MMRN1: variants seen among roughly 807,000 people sequenced by gnomAD.
MMRN1 encodes multimerin 1.
MMRN1 carries 94 observed loss-of-function variants against 100.7 expected under a neutral mutation model. The observed-to-expected ratio is 0.93, with a 90% CI of 0.79 to 1.11. The LOEUF is 1.11. MMRN1 is among the 50% of genes least tolerant of loss of function. The pLI is 0.00. For missense variants in MMRN1, 1,606 were observed against 1,439.1 expected (o/e 1.12, Z -1.88); for synonymous variants, 575 against 505.0 (o/e 1.14, Z -1.86).
At chr4:89,881,304 A>G (rs1255586835) in intron 1 of MMRN1, among the ~76,000 whole-genome samples, 1 of 152,128 alleles carries the variant, frequency 6.6e-6, no homozygotes, top group East Asian at 1.9e-4. Context: ...TTTTAAGCAA[A>G]TACATTTGTA....
intron 3 of MMRN1, among the ~76,000 whole-genome samples, chr4:89,914,325 C>T (rs1008206991): frequency 6.6e-5 from 10 of 151,306 alleles, no homozygotes; most frequent in African/African-American, 2.2e-4. Context: ...GGATCCATCT[C>T]GAAACTGTTA....
At chr4:89,886,574 G>A (rs115704477) in intron 1 of MMRN1, among the ~76,000 whole-genome samples, 3,071 of 152,070 alleles carry the variant, frequency 0.02, 102 homozygotes, top group African/African-American at 0.07. Flanking sequence ...AATTTTGTTC[G>A]AATCTTCTAT....
In MMRN1 at chr4:89,895,027, G is replaced by T; in HGVS notation, c.56G>T (p.Gly19Val). The T allele has an allele frequency of 6.2e-7, 1 of 1,613,742 alleles. No homozygotes were observed. The highest frequency in any genetic ancestry group is 1.1e-5 in the South Asian group (1 of 91,054). The change falls in exon 1 of 8, where the codon GGG becomes GTG. Residue 19 changes from glycine (G) to valine (V), a missense_variant. By Grantham distance (109) the Gly-to-Val change is moderately radical (BLOSUM62 -3). Transcript: ENST00000264790. Reference sequence around the variant, plus strand: ...TCTAGTTTATGGAGTGGGGGCATTGGGCTTAACAACAGTAAGCATTCTTGG... The same window carrying T: ...TCTAGTTTATGGAGTGGGGGCATTGTGCTTAACAACAGTAAGCATTCTTGG... ...LLSSLWSGGI[G>V]LNNSKHSWTI...
At chr4:89,925,352 T>G (rs1305696661) in intron 4 of MMRN1, among the ~76,000 whole-genome samples, 1 of 143,476 alleles carries the variant, frequency 7.0e-6, no homozygotes, top group Non-Finnish European at 1.5e-5. Flanking sequence ...TTAGCCATGT[T>G]GCCCAGGCTA....
intron 7 of MMRN1, 89 bp downstream of exon 7, chr4:89,951,840 C>A: frequency 2.2e-6 from 3 of 1,391,698 alleles, no homozygotes; most frequent in Non-Finnish European, 2.9e-6. Flanking sequence ...ATATTTAAGC[C>A]TGCTTAATCT....
In MMRN1 at chr4:89,935,290, C is replaced by G. The variant is rs745753596; in HGVS notation, c.1610C>G (p.Ser537Ter). 2 of 1,613,572 alleles carry G rather than the reference C, an allele frequency of 1.2e-6. No homozygotes were observed. The highest frequency in any genetic ancestry group is 2.7e-5 in the African/African-American group (2 of 74,882). ...CAGAAGAATGCTCCAGCTGCTGAGT[C>G]AGTTAGCAATAATGTCACTGAGTAC... is the stretch of plus-strand genomic sequence containing the variant. ...SDQKNAPAAESVSNNVTEYMS... is the reference protein window; with the variant it reads ...SDQKNAPAAE Residue 537 changes from serine to a stop codon, truncating the protein, a stop_gained, in exon 6 of 8, where the codon TCA (serine) becomes TGA (stop). Coordinates refer to ENST00000264790, the MANE Select transcript of MMRN1 (RefSeq NM_007351.3). LOFTEE classifies it high-confidence loss of function.
At position 89,887,608 on chromosome 4, in the gene MMRN1, A is replaced by G. The variant is rs1720966266; in HGVS notation, c.-248-7116A>G. 3.3e-5 allele frequency among the ~76,000 whole-genome samples: 5 copies of G among 152,090 alleles called. No homozygotes were observed. The South Asian group carries it at 1.0e-3, about 31-fold the overall frequency. On this transcript the variant is annotated intron_variant, in intron 1 of 8. Transcript: ENST00000394980. ...TTTCATCCTTCCTTGCCCTTTTTATATGAAGTGAGTATTTTCTAAATATTC... is the reference window on the plus strand; with the variant it reads ...TTTCATCCTTCCTTGCCCTTTTTATGTGAAGTGAGTATTTTCTAAATATTC...
chr4:89,902,468 T>C (rs1407444079), intron 1 of MMRN1, among the ~76,000 whole-genome samples: 3 of 152,042 alleles, frequency 2.0e-5, no homozygotes, highest in Non-Finnish European at 4.4e-5. Context: ...TTTAAAAATA[T>C]ACTACTTTTC....
At chr4:89,922,731 A>G (rs1000342260) in intron 3 of MMRN1, among the ~76,000 whole-genome samples, 8 of 152,098 alleles carry the variant, frequency 5.3e-5, no homozygotes, top group Non-Finnish European at 1.0e-4. Context: ...TTAGTAAGGA[A>G]CCTGTAGCTC....
intron 5 of MMRN1, among the ~76,000 whole-genome samples, chr4:89,929,585 G>A (rs1006073569): frequency 3.3e-5 from 5 of 152,074 alleles, no homozygotes; most frequent in African/African-American, 9.7e-5. Context: ...TGACCTAACA[G>A]AATTAGCCTG....
Position 89,905,137 on chromosome 4 carries a change from A to G in MMRN1, c.624-4139A>G, listed in dbSNP as rs962787346. Among the ~76,000 whole-genome samples, 12 of 151,678 alleles carry G rather than the reference A, an allele frequency of 7.9e-5. No individual in the cohort carries two copies. In the South Asian group the frequency reaches 1.5e-3, roughly 18 times the overall value. On this transcript the variant is annotated intron_variant, in intron 1 of 7. Transcript: ENST00000264790. ...AGACTAACTTTTATATATTTAGGAT[A>G]TGTTTTCCCACTTATCACTGAATTG...
chr4:89,896,004 T>A (rs1246524659), intron 1 of MMRN1, among the ~76,000 whole-genome samples: 2 of 152,120 alleles, frequency 1.3e-5, no homozygotes, highest in Non-Finnish European at 2.9e-5. Context: ...AAAATTGGAA[T>A]AGCAGTATTA....
At chr4:89,892,503 G>A (rs1721078146), upstream of MMRN1, among the ~76,000 whole-genome samples, 1 of 151,782 alleles carries the variant, frequency 6.6e-6, no homozygotes, top group South Asian at 2.1e-4. Context: ...AGAAGAATTT[G>A]AGACAAGGTC....
At chr4:89,884,704 C>T (rs1472636595) in intron 1 of MMRN1, among the ~76,000 whole-genome samples, 1 of 152,092 alleles carries the variant, frequency 6.6e-6, no homozygotes, top group Non-Finnish European at 1.5e-5. Context: ...TCAAGTGATC[C>T]TCCAGCCTCA....
At chr4:89,922,851 AT>A (rs1411985733) in intron 3 of MMRN1, among the ~76,000 whole-genome samples, 1 of 152,146 alleles carries the variant, frequency 6.6e-6, no homozygotes, top group Non-Finnish European at 1.5e-5. Context: ...GGATTTAAAA[AT>A]CCCCTCAATT....
chr4:89,925,053 A>G (rs1234568434), intron 4 of MMRN1, among the ~76,000 whole-genome samples: 3 of 152,064 alleles, frequency 2.0e-5, no homozygotes, highest in Non-Finnish European at 4.4e-5. Flanking sequence ...AAAATGTACA[A>G]TTAAATTATT....
At chr4:89,939,322 C>A (rs1417601664) in intron 6 of MMRN1, among the ~76,000 whole-genome samples, 4 of 152,090 alleles carry the variant, frequency 2.6e-5, no homozygotes, top group African/African-American at 7.2e-5. Flanking sequence ...TAGCTGCCAT[C>A]ATTTGCAAAA....
At chr4:89,915,645 C>A (rs1055740540) in intron 3 of MMRN1, among the ~76,000 whole-genome samples, 2 of 151,392 alleles carry the variant, frequency 1.3e-5, no homozygotes, top group Non-Finnish European at 3.0e-5. Context: ...CTACTGTAGA[C>A]ACTTGCTGAC....
chr4:89,940,648 C>T (rs552465826), intron 6 of MMRN1, among the ~76,000 whole-genome samples: 1 of 152,170 alleles, frequency 6.6e-6, no homozygotes, highest in East Asian at 1.9e-4. Context: ...ATTTATTTTT[C>T]TAGGCCTTTC....
Sources: allele counts gnomAD v4.1 joint callset (sites outside exome capture counted in the v4.1 genomes callset), GRCh38; gene constraint gnomAD v4.1.1; transcripts MANE v1.5; gene names NCBI Gene and HGNC (gene_info 2026-07-23, HGNC 2026-07-21).